Variants in AFAP1L2 observed in about 807,000 individuals in gnomAD.
AFAP1L2 encodes actin filament-associated protein 1-like 2.
Under a neutral mutation model 99.3 loss-of-function variants are expected in AFAP1L2, and 46 were observed. The ratio of observed to expected loss-of-function variants is 0.46; its 90% CI spans 0.37 to 0.59. The LOEUF (loss-of-function observed/expected upper bound fraction) is 0.59. AFAP1L2 is among the 20% of genes least tolerant of loss of function. The pLI is 0.00. For synonymous variants in AFAP1L2, 397 were observed against 419.1 expected (o/e 0.95, Z 0.64); for missense variants, 959 against 1,034.9 (o/e 0.93, Z 1.01).
intron 1 of AFAP1L2, among the ~76,000 whole-genome samples, chr10:114,347,814 T>C (rs921939095): frequency 6.6e-6 from 1 of 152,224 alleles, no homozygotes; most frequent in Non-Finnish European, 1.5e-5. Flanking sequence ...TTTTTTGTGA[T>C]GGTAAAATAC....
the AFAP1L2 span, chr10:114,284,967 T>A: frequency 6.3e-7 from 1 of 1,595,486 alleles, no homozygotes; most frequent in Admixed American, 1.7e-5. Context: ...GGAGGCTAAC[T>A]GTGGTAGGTA....
rs1024994440 is a variant in AFAP1L2 at position 114,353,159 on chromosome 10, T to C, written c.17-12428A>G. Among the ~76,000 whole-genome samples the C allele has an allele frequency of 3.9e-5, 6 of 152,204 alleles. No homozygotes were observed. In the East Asian group the frequency reaches 1.2e-3, roughly 29 times the overall value. On this transcript the variant is annotated intron_variant, in intron 1 of 18. Coordinates refer to ENST00000304129, the MANE Select transcript of AFAP1L2 (RefSeq NM_001001936.3). ...TGAGCATCAGCCATGGGACTCTTCC[T>C]GGAACTACTAGGAAGTGGGCTTTTC...
At chr10:114,332,019 C>G in intron 3 of AFAP1L2, 122 bp from the exon 4 acceptor site, 1 of 584,368 alleles carries the variant, frequency 1.7e-6, no homozygotes, top group Non-Finnish European at 2.6e-6. Flanking sequence ...TGTTAATTAC[C>G]CAGGCAGGCG....
At chr10:114,398,204 A>G (rs1209496391) in intron 1 of AFAP1L2, among the ~76,000 whole-genome samples, 3 of 152,228 alleles carry the variant, frequency 2.0e-5, no homozygotes, top group African/African-American at 4.8e-5. Context: ...GCTCAAAGCT[A>G]CTATTTGAAT....
chr10:114,282,580 T>C, the AFAP1L2 span: 1 of 1,613,666 alleles, frequency 6.2e-7, no homozygotes, highest in Non-Finnish European at 8.5e-7. Context: ...AGGTATGGTC[T>C]GTCTCTTGGA....
intron 18 of AFAP1L2, 114 bp downstream of exon 18, chr10:114,296,864 C>A: frequency 6.4e-7 from 1 of 1,564,266 alleles, no homozygotes; most frequent in Non-Finnish European, 8.7e-7. Context: ...GAGTGCCGAG[C>A]CCTTGCTCAG....
intron 1 of AFAP1L2, among the ~76,000 whole-genome samples, chr10:114,390,588 G>A (rs541242729): frequency 2.0e-5 from 3 of 152,176 alleles, no homozygotes; most frequent in Admixed American, 2.0e-4. Context: ...AGGCATGGTG[G>A]CACGCACCTG....
intron 1 of AFAP1L2, among the ~76,000 whole-genome samples, chr10:114,362,731 T>C (rs1164295495): frequency 1.3e-5 from 2 of 152,164 alleles, no homozygotes; most frequent in Non-Finnish European, 2.9e-5. Context: ...TAGAGTAGAA[T>C]AGGGGTCCGT....
At chr10:114,340,477 A>C in intron 2 of AFAP1L2, 126 bp downstream of exon 2, 1 of 1,320,966 alleles carries the variant, frequency 7.6e-7, no homozygotes. Flanking sequence ...TGGCCTCCAG[A>C]AGTGTGAGAA....
In AFAP1L2 at chr10:114,294,963, A is replaced by G; in HGVS notation, c.*1079T>C. ...GGAACAAGTGTTAGAGAACTGATAC[A>G]CAACCCTCCAGAAATGAGGCAGAGA... is the stretch of plus-strand genomic sequence containing the variant. On this transcript the variant is annotated 3_prime_UTR_variant, in exon 19 of 19. Transcript: ENST00000304129. The G allele has an allele frequency of 1.0e-6, 1 of 984,982 alleles. No individual in the cohort carries two copies. The highest frequency in any genetic ancestry group is 4.7e-5 in the South Asian group (1 of 21,252). The allele number at this position is 984,982 out of a possible 1,614,324, so 61.0% of individuals were successfully genotyped here. A position where few individuals can be genotyped will look rare whatever the true frequency, so the allele number is the denominator to read the frequency against.
chr10:114,356,888 A>C (rs534050475), intron 1 of AFAP1L2, among the ~76,000 whole-genome samples: 1 of 152,234 alleles, frequency 6.6e-6, no homozygotes, highest in Admixed American at 6.5e-5. Context: ...AGAAGGCTCT[A>C]AAAAAGGAAA....
intron 1 of AFAP1L2, among the ~76,000 whole-genome samples, chr10:114,346,432 C>T (rs926927941): frequency 2.0e-5 from 3 of 152,170 alleles, no homozygotes; most frequent in Non-Finnish European, 4.4e-5. Flanking sequence ...AGGCCATAGG[C>T]GATTCTCCTC....
intron 1 of AFAP1L2, among the ~76,000 whole-genome samples, chr10:114,383,053 C>T (rs868088786): frequency 1.1e-4 from 16 of 151,830 alleles, no homozygotes; most frequent in East Asian, 9.6e-4. Context: ...TCCATAAATA[C>T]GTCAATTATT....
chr10:114,284,542 GCT>G, the AFAP1L2 span, among the ~76,000 whole-genome samples: 2 of 152,186 alleles, frequency 1.3e-5, no homozygotes, highest in African/African-American at 2.4e-5. Context: ...TGGCACCGCA[GCT>G]CTCTCTCAGT....
chr10:114,367,296 A>C (rs1450335740), intron 1 of AFAP1L2, among the ~76,000 whole-genome samples: 1 of 152,222 alleles, frequency 6.6e-6, no homozygotes, highest in Non-Finnish European at 1.5e-5. Flanking sequence ...GCAGACAGGC[A>C]TGTGGGAATT....
At position 114,315,708 on chromosome 10, in the gene AFAP1L2, T is replaced by G; in HGVS notation, c.464A>C (p.Lys155Thr). The change falls in exon 6 of 19, where the codon AAG (lysine) becomes ACG (threonine). Residue 155 changes from lysine (K) to threonine (T), a missense_variant. Coordinates refer to ENST00000304129, the MANE Select transcript of AFAP1L2 (RefSeq NM_001001936.3). ...CCACTGGTAAGGGGCCGACTTGCCCTTGCTGCCGTCCTCTTCATCGTAGGA... is the reference window on the plus strand; with the variant it reads ...CCACTGGTAAGGGGCCGACTTGCCCGTGCTGCCGTCCTCTTCATCGTAGGA... ...YESYDEEDGS[K>T]GKSAPYQWPS... is the part of the protein sequence containing the mutation. 1.9e-6 allele frequency: 3 copies of G among 1,613,666 alleles called. No homozygotes were observed. Among genetic ancestry groups the G allele is most frequent in the Non-Finnish European group, 2.5e-6 (3 of 1,179,970 alleles).
At chr10:114,323,069 C>G in intron 5 of AFAP1L2, 102 bp downstream of exon 5, 1 of 1,084,542 alleles carries the variant, frequency 9.2e-7, no homozygotes. Context: ...CTCTGTCACC[C>G]AGCCCAGGAT....
chr10:114,296,092 C>G (rs758915084), intron 18 of AFAP1L2, 24 bp from the exon 19 acceptor site: 2 of 1,614,002 alleles, frequency 1.2e-6, no homozygotes, highest in Non-Finnish European at 1.7e-6. Flanking sequence ...CAAATACCAG[C>G]ACCCACCCCC....
chr10:114,290,019 T>G, downstream of AFAP1L2: 2 of 426,500 alleles, frequency 4.7e-6, no homozygotes, highest in East Asian at 4.0e-5. Context: ...AAGTCTGCCA[T>G]GTGTATGGCA....
Sources: gnomAD v4.1 joint callset for allele counts (sites outside exome capture counted in the v4.1 genomes callset) on GRCh38, gnomAD v4.1.1 for gene constraint, MANE v1.5 for transcripts, NCBI Gene and HGNC (gene_info 2026-07-23, HGNC 2026-07-21) for gene names.